ANKEF1: variants seen among roughly 807,000 people sequenced by gnomAD.
ANKEF1 encodes ankyrin repeat and EF-hand domain-containing protein 1.
ANKEF1 carries 43 observed loss-of-function variants against 65.1 expected under a neutral mutation model. The ratio of observed to expected loss-of-function variants is 0.66; its 90% confidence interval spans 0.52 to 0.85. The LOEUF (loss-of-function observed/expected upper bound fraction) is 0.85. ANKEF1 is among the 40% of genes least tolerant of loss of function. The probability of loss-of-function intolerance (pLI) is 0.00; values close to 1 mark genes in which losing one functional copy is unlikely to be tolerated. For missense variants in ANKEF1, 934 were observed against 952.9 expected (o/e 0.98, Z 0.26); for synonymous variants, 316 against 341.5 (o/e 0.93, Z 0.82).
rs767526590 is a variant in ANKEF1, at chr20:10,054,564, A to G, written c.2137A>G (p.Thr713Ala). Reference protein sequence around the residue: ...HLNSLITSGYTKKVDITFIPR... With the variant: ...HLNSLITSGYAKKVDITFIPR... ...GAATTCATTGATTACCAGTGGTTAT[A>G]CTAAGAAAGTGGATATCACATTTAT... The change falls in exon 10 of 11, where the codon ACT (threonine) becomes GCT (alanine). Residue 713 changes from threonine to alanine, a missense_variant. By Grantham distance (58) the Thr-to-Ala change is moderately conservative. Transcript: ENST00000378392. The G allele has an allele frequency of 3.7e-6, 6 of 1,609,434 alleles. No individual in the cohort carries two copies. The highest frequency in any genetic ancestry group is 2.2e-5 in the East Asian group (1 of 44,680).
intron 2 of ANKEF1, among the ~76,000 whole-genome samples, chr20:10,036,578 A>T (rs1983871533): frequency 6.6e-6 from 1 of 152,196 alleles, no homozygotes; most frequent in African/African-American, 2.4e-5. Context: ...CCGGTGGCTC[A>T]CGCCTGTAGT....
chr20:10,045,740 T>C (rs372712145), intron 6 of ANKEF1, 43 bp downstream of exon 6: 2 of 1,605,396 alleles, frequency 1.2e-6, no homozygotes, highest in African/African-American at 2.7e-5. Flanking sequence ...ACTTATGATT[T>C]ACCCATGTCA....
In ANKEF1 at chr20:10,045,629, G is replaced by C; in HGVS notation, c.752G>C (p.Gly251Ala). Residue 251 changes from glycine to alanine, a missense_variant, in exon 6 of 11, where the codon GGG (glycine) becomes GCG (alanine). Transcript: ENST00000378392. ...GACGTGGGGCTGATTTCGATAAATGGGAACACACCACTTCATTATGCTGCC... is the reference window on the plus strand; with the variant it reads ...GACGTGGGGCTGATTTCGATAAATGCGAACACACCACTTCATTATGCTGCC... ...NGDVGLISIN[G>A]NTPLHYAAMG... The C allele has an allele frequency of 1.2e-6, 2 of 1,613,714 alleles. No homozygotes were observed. Among genetic ancestry groups the C allele is most frequent in the Non-Finnish European group, 1.7e-6 (2 of 1,179,786 alleles).
rs1985191758 is a variant in ANKEF1 at position 10,056,663 on chromosome 20, G to C, written c.*1003G>C. On this transcript the variant is annotated 3_prime_UTR_variant, in exon 11 of 11. Transcript: ENST00000378392. ...CAGGAGCTGTCCCTGAAGTCCACAA[G>C]TGGAATTTCTTCTTCATCATGGAAA... is the stretch of plus-strand genomic sequence containing the variant. 1 of 152,108 alleles carries C rather than the reference G, an allele frequency of 6.6e-6. No homozygotes were observed. Among genetic ancestry groups the C allele is most frequent in the Non-Finnish European group, 1.5e-5 (1 of 68,026 alleles). The allele number at this position is 152,108 out of a possible 1,614,324, so 9.4% of individuals were successfully genotyped here.
At chr20:10,046,504 G>T (rs1200528320) in intron 6 of ANKEF1, among the ~76,000 whole-genome samples, 2 of 152,078 alleles carry the variant, frequency 1.3e-5, no homozygotes, top group Non-Finnish European at 2.9e-5. Context: ...TTTAATTTTA[G>T]ATTTTCCTGT....
intron 6 of ANKEF1, among the ~76,000 whole-genome samples, chr20:10,046,512 T>C (rs1019141225): frequency 4.6e-5 from 7 of 152,198 alleles, no homozygotes; most frequent in Admixed American, 2.0e-4. Context: ...TAGATTTTCC[T>C]GTAGCTTTTA....
chr20:10,038,210 A>G (rs1983968657), intron 2 of ANKEF1, 48 bp from the exon 3 acceptor site: 1 of 743,470 alleles, frequency 1.3e-6, no homozygotes, highest in Non-Finnish European at 2.1e-6. Flanking sequence ...AATCAAAATG[A>G]AGATGATAAA....
intron 6 of ANKEF1, 78 bp from the exon 7 acceptor site, chr20:10,049,312 A>G (rs2122257275): frequency 7.5e-7 from 1 of 1,334,088 alleles, no homozygotes; most frequent in Admixed American, 2.3e-5. Flanking sequence ...GAAATTAAGA[A>G]AACAGTTGGA....
chr20:10,055,031 T>C (rs942582764), intron 10 of ANKEF1, among the ~76,000 whole-genome samples: 55 of 152,086 alleles, frequency 3.6e-4, no homozygotes, highest in African/African-American at 1.3e-3. Context: ...ACTAAAGAGG[T>C]GGAGACATCT....
intron 6 of ANKEF1, among the ~76,000 whole-genome samples, chr20:10,047,613 A>C (rs1290520000): frequency 1.3e-5 from 2 of 152,170 alleles, no homozygotes; most frequent in Admixed American, 1.3e-4. Context: ...ACTCCCTGTA[A>C]GCATGTGAGA....
intron 6 of ANKEF1, 122 bp from the exon 7 acceptor site, chr20:10,049,268 T>C (rs1469203727): frequency 1.1e-6 from 1 of 944,130 alleles, no homozygotes; most frequent in Non-Finnish European, 1.6e-6. Flanking sequence ...TCTATATACA[T>C]ATAATTTGGG....
chr20:10,053,662 T>G (rs1843329597), intron 9 of ANKEF1, among the ~76,000 whole-genome samples: 1 of 152,138 alleles, frequency 6.6e-6, no homozygotes, highest in African/African-American at 2.4e-5. Context: ...GCATGATTTT[T>G]CTTCATTTTG....
At chr20:10,047,487 G>A (rs940492817) in intron 6 of ANKEF1, among the ~76,000 whole-genome samples, 10 of 152,268 alleles carry the variant, frequency 6.6e-5, no homozygotes, top group African/African-American at 2.2e-4. Context: ...AAGCTCCCTG[G>A]GCTTAGTCTC....
rs201507677 is a variant in ANKEF1, at chr20:10,043,313, A to G, written c.538A>G (p.Ile180Val). Residue 180 changes from isoleucine (I) to valine (V), a missense_variant, in exon 4 of 11, where the codon ATC becomes GTC. Transcript: ENST00000378392. ...GGAAAAAGGAGCCAATCCTAATGCA[A>G]TCAACTCAGTATGGCTATTCTTGTG... ...FLEKGANPNAINSSTGRTALM... is the reference protein window; with the variant it reads ...FLEKGANPNAVNSSTGRTALM... 39 of 1,613,802 alleles carry G rather than the reference A, an allele frequency of 2.4e-5. No homozygotes were observed. In the East Asian group the frequency reaches 4.9e-4, roughly 20 times the overall value.
rs1163333186 is a variant in ANKEF1 at position 10,038,335 on chromosome 20, C to G, written c.34C>G (p.Gln12Glu). 6.3e-7 allele frequency: 1 copy of G among 1,583,066 alleles called. No homozygotes were observed. Among genetic ancestry groups the G allele is most frequent in the Admixed American group, 1.7e-5 (1 of 58,676 alleles). Residue 12 changes from glutamine to glutamate, a missense_variant, in exon 3 of 11, where the codon CAG (glutamine) becomes GAG (glutamate). Transcript: ENST00000378392. ...ALADKRLENL[Q>E]IYKVLQCVRN... ...AGCAGATAAGAGACTTGAGAACTTA[C>G]AGATCTACAAAGTTCTTCAATGTGT...
rs761863142 is a variant in ANKEF1 at position 10,049,472 on chromosome 20, AGAAATACGCC to A, written c.906_915del (p.Ile303GlnfsTer8). On this transcript the variant is annotated frameshift_variant, in exon 7 of 11. Transcript: ENST00000378392. LOFTEE classifies it high-confidence loss of function. ...AAGGCGGCTTCAAAGCAGCAAGCAA[AGAAATACGCC>A]GAGCAGAGAGAATCGCTAATAAACT... 6.8e-6 allele frequency: 11 copies of A among 1,614,082 alleles called. No individual in the cohort carries two copies. In the Admixed American group the frequency reaches 1.3e-4, roughly 20 times the overall value.
chr20:10,055,893 G>C lies in ANKEF1; in HGVS notation c.*233G>C, dbSNP rs548581521. ...TAAATCCCCAAGCCCCTTTATGAAT[G>C]TAGTGAAATACATGGCATGTGGGTT... On this transcript the variant is annotated 3_prime_UTR_variant, in exon 11 of 11. Transcript: ENST00000378392. 1.7e-4 allele frequency: 84 copies of C among 487,178 alleles called. No individual in the cohort carries two copies. Among genetic ancestry groups the C allele is most frequent in the African/African-American group, 1.6e-3 (81 of 51,996 alleles). 30.2% of individuals were successfully genotyped at this position (487,178 alleles called of 1,614,324 possible). A position where few individuals can be genotyped will look rare whatever the true frequency, so the allele number is the denominator to read the frequency against.
chr20:10,051,728 A>C lies in ANKEF1; in HGVS notation c.1709A>C (p.Gln570Pro). Residue 570 changes from glutamine to proline, a missense_variant, in exon 8 of 11, where the codon CAA (glutamine) becomes CCA (proline). Transcript: ENST00000378392. ...CTTCATTTTGCATGCCATGCAGGCC[A>C]ACAAGACATTGTTGAGCTTCTTGTT... ...TPLHFACHAG[Q>P]QDIVELLVES... is the part of the protein sequence containing the mutation. The C allele has an allele frequency of 2.5e-6, 4 of 1,613,862 alleles. No individual in the cohort carries two copies. Among genetic ancestry groups the C allele is most frequent in the Non-Finnish European group, 3.4e-6 (4 of 1,179,848 alleles).
chr20:10,048,196 A>C (rs1984629652), intron 6 of ANKEF1, among the ~76,000 whole-genome samples: 3 of 151,770 alleles, frequency 2.0e-5, no homozygotes, highest in African/African-American at 7.3e-5. Context: ...ACTACTAGTA[A>C]AATTATCAGC....
Sources: gnomAD v4.1 joint callset for allele counts (sites outside exome capture counted in the v4.1 genomes callset) on GRCh38, gnomAD v4.1.1 for gene constraint, MANE v1.5 for transcripts, NCBI Gene and HGNC (gene_info 2026-07-23, HGNC 2026-07-21) for gene names.